AOPEP: variants seen among roughly 807,000 people sequenced by gnomAD.
AOPEP encodes aminopeptidase O.
A neutral mutation model predicts 98.1 loss-of-function variants in AOPEP; 77 were observed. The observed-to-expected ratio is 0.78, with a 90% CI of 0.65 to 0.95. The LOEUF (loss-of-function observed/expected upper bound fraction) is 0.95. Ranked by LOEUF, AOPEP falls within the 40% of genes least tolerant of loss-of-function variation. The pLI, the probability that AOPEP is intolerant of heterozygous loss-of-function variation, is 0.00. For missense variants in AOPEP, 1,024 were observed against 1,024.7 expected (o/e 1.00, Z 0.01); for synonymous variants, 346 against 365.3 (o/e 0.95, Z 0.60).
intron 7 of AOPEP, among the ~76,000 whole-genome samples, chr9:94,947,781 G>T (rs1336389558): frequency 6.6e-6 from 1 of 152,208 alleles, no homozygotes; most frequent in Non-Finnish European, 1.5e-5. Flanking sequence ...GGTGCATGGA[G>T]ATATTAAGCA....
chr9:94,965,412 C>G (rs978804670), intron 9 of AOPEP, among the ~76,000 whole-genome samples: 1 of 152,250 alleles, frequency 6.6e-6, no homozygotes, highest in African/African-American at 2.4e-5. Flanking sequence ...GAGACTTTGT[C>G]TCCGGAAGAA....
At chr9:94,832,183 A>T (rs936732550) in intron 5 of AOPEP, among the ~76,000 whole-genome samples, 5 of 152,234 alleles carry the variant, frequency 3.3e-5, no homozygotes, top group African/African-American at 1.2e-4. Flanking sequence ...TTCCTAATTT[A>T]TAACACAGAC....
intron 11 of AOPEP, among the ~76,000 whole-genome samples, chr9:95,000,726 A>T (rs983426396): frequency 4.6e-5 from 7 of 152,202 alleles, no homozygotes; most frequent in African/African-American, 1.7e-4. Flanking sequence ...ATAAATAAAT[A>T]AACCAAATTT....
In AOPEP at chr9:94,839,864, G is replaced by A. The variant is rs566778015; in HGVS notation, c.1364+38862G>A. On this transcript the variant is annotated intron_variant, in intron 5 of 16. Coordinates refer to ENST00000375315, the MANE Select transcript of AOPEP (RefSeq NM_001193329.3). ...GCTCACTACAGTGTCAACCTCCTGGGCCCCATTGATCCTCCCACCTCAGCT... is the reference window on the plus strand; with the variant it reads ...GCTCACTACAGTGTCAACCTCCTGGACCCCATTGATCCTCCCACCTCAGCT... 4.1e-4 allele frequency among the ~76,000 whole-genome samples: 63 copies of A among 152,128 alleles called. 1 individual carries two copies. The highest frequency in any genetic ancestry group is 1.2e-3 in the African/African-American group (50 of 41,514).
At chr9:94,921,016 A>G (rs977736374) in intron 5 of AOPEP, among the ~76,000 whole-genome samples, 5 of 151,960 alleles carry the variant, frequency 3.3e-5, no homozygotes, top group African/African-American at 1.2e-4. Context: ...GAGATTTGAA[A>G]TATCACTTTC....
At chr9:94,999,876 G>A (rs2132549038) in intron 11 of AOPEP, among the ~76,000 whole-genome samples, 1 of 152,250 alleles carries the variant, frequency 6.6e-6, no homozygotes, top group Non-Finnish European at 1.5e-5. Context: ...TAGAATCTCA[G>A]AGGGGGTCAA....
At chr9:95,023,647 A>C (rs12684404) in intron 13 of AOPEP, among the ~76,000 whole-genome samples, 12,011 of 152,290 alleles carry the variant, frequency 0.079, 842 homozygotes, top group East Asian at 0.23. Flanking sequence ...GAGCAACTGA[A>C]GAATTCCAGA....
the AOPEP span, among the ~76,000 whole-genome samples, chr9:95,130,439 A>T: frequency 0.01 from 1,594 of 152,346 alleles, 30 homozygotes; most frequent in African/African-American, 0.037. Flanking sequence ...GCAGTGAAGG[A>T]ACAGAAAAAA....
chr9:95,110,883 C>T, the AOPEP span: 2 of 1,229,864 alleles, frequency 1.6e-6, no homozygotes, highest in Non-Finnish European at 2.0e-6. Flanking sequence ...GACAGTTATC[C>T]AGTCCCATAC....
chr9:94,758,052 A>G (rs1480241199), intron 1 of AOPEP, among the ~76,000 whole-genome samples: 1 of 152,208 alleles, frequency 6.6e-6, no homozygotes, highest in African/African-American at 2.4e-5. Flanking sequence ...CTCTACTTCT[A>G]TTGCACTGAA....
chr9:95,017,650 A>G (rs559593639), intron 13 of AOPEP, among the ~76,000 whole-genome samples: 1 of 152,340 alleles, frequency 6.6e-6, no homozygotes, highest in Non-Finnish European at 1.5e-5. Flanking sequence ...CTTGAGTTAT[A>G]TGTCATGTAT....
the AOPEP span, among the ~76,000 whole-genome samples, chr9:95,123,097 T>C: frequency 6.6e-6 from 1 of 151,730 alleles, no homozygotes; most frequent in Non-Finnish European, 1.5e-5. Context: ...AACCCAGCTG[T>C]TTGAGACCAG....
At chr9:94,920,499 G>A (rs568722459) in intron 5 of AOPEP, among the ~76,000 whole-genome samples, 2 of 152,236 alleles carry the variant, frequency 1.3e-5, no homozygotes, top group East Asian at 1.9e-4. Flanking sequence ...ATCTAGCCAG[G>A]GCCGCCAAGT....
chr9:95,107,617 C>T, the AOPEP span: 1 of 414,904 alleles, frequency 2.4e-6, no homozygotes, highest in Non-Finnish European at 4.5e-6. Context: ...ACTCGCCTAT[C>T]ACAGCCACAA....
At chr9:95,002,535 T>C (rs373188152) in intron 11 of AOPEP, among the ~76,000 whole-genome samples, 1 of 152,182 alleles carries the variant, frequency 6.6e-6, no homozygotes, top group East Asian at 1.9e-4. Flanking sequence ...ACTAATGCAA[T>C]ATGTTAAATA....
At chr9:94,986,446 C>T (rs1589169830) in intron 11 of AOPEP, among the ~76,000 whole-genome samples, 1 of 152,314 alleles carries the variant, frequency 6.6e-6, no homozygotes, top group Non-Finnish European at 1.5e-5. Context: ...CAGTACGTCT[C>T]TCACTAGTTC....
At chr9:94,884,671 C>T (rs1183026230) in intron 5 of AOPEP, among the ~76,000 whole-genome samples, 1 of 152,184 alleles carries the variant, frequency 6.6e-6, no homozygotes, top group Non-Finnish European at 1.5e-5. Context: ...CCATACCTAT[C>T]TCACAGCGTT....
At chr9:94,829,717 T>C (rs549087715) in intron 5 of AOPEP, among the ~76,000 whole-genome samples, 1 of 151,966 alleles carries the variant, frequency 6.6e-6, no homozygotes, top group East Asian at 1.9e-4. Flanking sequence ...ATGTCAGATA[T>C]GTTAACCCTG....
intron 5 of AOPEP, chr9:94,824,383 G>A (rs1184528573): frequency 2.6e-5 from 4 of 152,192 alleles, no homozygotes; most frequent in Non-Finnish European, 2.9e-5. Context: ...ATCGTTGTAG[G>A]TATAGCTTGA....
Sources: gnomAD v4.1 joint callset for allele counts (sites outside exome capture counted in the v4.1 genomes callset) on GRCh38, gnomAD v4.1.1 for gene constraint, MANE v1.5 for transcripts, NCBI Gene and HGNC (gene_info 2026-07-23, HGNC 2026-07-21) for gene names.